RSU1: variants seen among roughly 807,000 people sequenced by gnomAD.
RSU1 encodes rsu-1.
In RSU1, 26 loss-of-function variants were observed where a neutral mutation model predicts 31.1. The ratio of observed to expected loss-of-function variants is 0.84; its 90% CI spans 0.61 to 1.16. RSU1 has a LOEUF of 1.16. Ranked by LOEUF, RSU1 falls within the 50% of genes most tolerant of loss-of-function variation. The pLI, the probability that RSU1 is intolerant of heterozygous loss-of-function variation, is 0.00. For synonymous variants in RSU1, 164 were observed against 136.3 expected (o/e 1.20, Z -1.41); for missense variants, 320 against 339.1 (o/e 0.94, Z 0.44).
At chr10:16,683,827 G>A (rs1046956144) in intron 8 of RSU1, among the ~76,000 whole-genome samples, 13 of 152,160 alleles carry the variant, frequency 8.5e-5, no homozygotes, top group Admixed American at 6.5e-4. Flanking sequence ...GTCCAAAGGC[G>A]GTTCAACAAT....
intron 2 of RSU1, among the ~76,000 whole-genome samples, chr10:16,803,245 A>C (rs1838194766): frequency 6.6e-6 from 1 of 152,194 alleles, no homozygotes; most frequent in Non-Finnish European, 1.5e-5. Context: ...TACATTAAAA[A>C]CACACCATTT....
At chr10:16,770,957 T>TAAA (rs10547207) in intron 3 of RSU1, among the ~76,000 whole-genome samples, 1 of 120,088 alleles carries the variant, frequency 8.3e-6, no homozygotes, top group African/African-American at 3.0e-5. Context: ...TATTGCTATT[T>TAAA]AAAAAAAAAA....
intron 7 of RSU1, among the ~76,000 whole-genome samples, chr10:16,729,287 A>T (rs1241972390): frequency 6.6e-6 from 1 of 152,218 alleles, no homozygotes; most frequent in Non-Finnish European, 1.5e-5. Flanking sequence ...TATTGCAAAA[A>T]CAAAAATACA....
In RSU1 at chr10:16,817,373, T is replaced by C. The variant is rs147854078; in HGVS notation, c.-62A>G. The C allele has an allele frequency of 3.9e-3, 1,505 of 386,302 alleles. 6 individuals are homozygous for C. Among genetic ancestry groups the C allele is most frequent in the Non-Finnish European group, 5.4e-3 (1,129 of 207,356 alleles). The allele number at this position is 386,302 out of a possible 1,614,324, so 23.9% of individuals were successfully genotyped here. ...AACCACAAGCTTCGGCAGAACGCAC[T>C]CCAGCTGCCCTCACTCCCTGCAACA... is the stretch of plus-strand genomic sequence containing the variant. On this transcript the variant is annotated 5_prime_UTR_variant, in exon 1 of 9. Coordinates refer to ENST00000345264, the MANE Select transcript of RSU1 (RefSeq NM_012425.4).
intron 8 of RSU1, among the ~76,000 whole-genome samples, chr10:16,613,988 G>A (rs987634512): frequency 3.3e-5 from 5 of 152,050 alleles, no homozygotes; most frequent in Admixed American, 6.6e-5. Context: ...TCGGATTCAG[G>A]GGTACTCGCA....
chr10:16,593,798 T>C (rs1215658223), intron 8 of RSU1, among the ~76,000 whole-genome samples: 1 of 152,198 alleles, frequency 6.6e-6, no homozygotes, highest in Non-Finnish European at 1.5e-5. Context: ...TATGAGTGTT[T>C]AAGTCGACAG....
At chr10:16,763,004 AAAAAC>A (rs1837239906) in intron 4 of RSU1, among the ~76,000 whole-genome samples, 1 of 151,998 alleles carries the variant, frequency 6.6e-6, no homozygotes, top group African/African-American at 2.4e-5. Flanking sequence ...TCAAAAAAAA[AAAAAC>A]AAAAACAAAA....
At chr10:16,801,330 CAAGA>C in intron 2 of RSU1, among the ~76,000 whole-genome samples, 1 of 152,146 alleles carries the variant, frequency 6.6e-6, no homozygotes, top group African/African-American at 2.4e-5. Context: ...GTAAACTTTC[CAAGA>C]AAGACACAGC....
chr10:16,752,438 A>G, intron 7 of RSU1, 101 bp downstream of exon 7: 2 of 800,748 alleles, frequency 2.5e-6, no homozygotes, highest in South Asian at 3.1e-5. Context: ...CTAGGTGGAG[A>G]GTAGTTGCCA....
At chr10:16,801,089 CTT>C (rs375892886) in intron 2 of RSU1, among the ~76,000 whole-genome samples, 14 of 137,770 alleles carry the variant, frequency 1.0e-4, no homozygotes, top group African/African-American at 1.4e-4. Flanking sequence ...CAGTGTGGAT[CTT>C]TTTTTTAAAA....
At chr10:16,709,822 T>C (rs1301130385) in intron 7 of RSU1, among the ~76,000 whole-genome samples, 13 of 152,312 alleles carry the variant, frequency 8.5e-5, no homozygotes, top group Admixed American at 6.5e-4. Context: ...TCATATCCTT[T>C]GCCCACTTTT....
At chr10:16,671,163 T>C (rs1188693193) in intron 8 of RSU1, among the ~76,000 whole-genome samples, 1 of 152,152 alleles carries the variant, frequency 6.6e-6, no homozygotes, top group Non-Finnish European at 1.5e-5. Context: ...CTACTCACAA[T>C]TGCAAAGACA....
chr10:16,690,940 C>A (rs1304301054), intron 8 of RSU1, among the ~76,000 whole-genome samples: 1 of 152,014 alleles, frequency 6.6e-6, no homozygotes, highest in African/African-American at 2.4e-5. Flanking sequence ...AACACACAGA[C>A]ACTGATAAAT....
intron 3 of RSU1, among the ~76,000 whole-genome samples, chr10:16,780,872 C>A (rs1837634700): frequency 6.6e-6 from 1 of 152,158 alleles, no homozygotes; most frequent in Non-Finnish European, 1.5e-5. Context: ...CTGTGGCCAC[C>A]ACTACTTAAG....
chr10:16,799,269 T>C lies in RSU1; in HGVS notation c.110-17185A>G, dbSNP rs146697318. Among the ~76,000 whole-genome samples the C allele has an allele frequency of 2.4e-3, 358 of 152,292 alleles. 1 individual carries two copies. The highest frequency in any genetic ancestry group is 4.1e-3 in the Non-Finnish European group (282 of 68,010). ...GAGATTCTGGACGTTGTCACTACCA[T>C]ACTCACAGTAAGAAGAAAGCTGAGC... On this transcript the variant is annotated intron_variant, in intron 2 of 8. Coordinates refer to ENST00000345264, the MANE Select transcript of RSU1 (RefSeq NM_012425.4).
At chr10:16,758,207 GC>G (rs1167785549) in intron 4 of RSU1, among the ~76,000 whole-genome samples, 1 of 152,202 alleles carries the variant, frequency 6.6e-6, no homozygotes, top group African/African-American at 2.4e-5. Flanking sequence ...CAGAAGAATT[GC>G]TAGCAACAGC....
intron 8 of RSU1, among the ~76,000 whole-genome samples, chr10:16,683,594 A>C (rs1013370332): frequency 6.6e-6 from 1 of 152,188 alleles, no homozygotes; most frequent in African/African-American, 2.4e-5. Flanking sequence ...TTTACCAAAT[A>C]CTTTTTTGTT....
intron 8 of RSU1, among the ~76,000 whole-genome samples, chr10:16,678,863 G>A (rs922249610): frequency 1.3e-5 from 2 of 151,512 alleles, no homozygotes; most frequent in African/African-American, 4.9e-5. Context: ...GCACAATCAC[G>A]CATTCCACAT....
At chr10:16,622,163 A>G (rs1374858418) in intron 8 of RSU1, among the ~76,000 whole-genome samples, 1 of 152,092 alleles carries the variant, frequency 6.6e-6, no homozygotes, top group Non-Finnish European at 1.5e-5. Flanking sequence ...ATGACAAAAT[A>G]CCTCCCCTGA....
Sources: allele counts gnomAD v4.1 joint callset (sites outside exome capture counted in the v4.1 genomes callset), GRCh38; gene constraint gnomAD v4.1.1; transcripts MANE v1.5; gene names NCBI Gene and HGNC (gene_info 2026-07-23, HGNC 2026-07-21).